Variants in TMTC1 observed in about 807,000 individuals in gnomAD.
TMTC1 encodes transmembrane O-mannosyltransferase targeting cadherins 1.
A neutral mutation model predicts 104.8 loss-of-function variants in TMTC1; 73 were observed. The ratio of observed to expected loss-of-function variants is 0.70; its 90% confidence interval spans 0.58 to 0.85. The LOEUF is 0.85. Among genes scored for constraint, TMTC1 ranks in the 40% least tolerant of loss-of-function variants. The probability of loss-of-function intolerance (pLI) is 0.00; values close to 1 mark genes in which losing one functional copy is unlikely to be tolerated. For synonymous variants in TMTC1, 434 were observed against 428.7 expected, an observed-to-expected ratio of 1.01 and a Z score of -0.15; for missense variants, 1,035 against 1,096.1, an observed-to-expected ratio of 0.94 and a Z score of 0.79.
intron 1 of TMTC1, among the ~76,000 whole-genome samples, chr12:29,773,355 G>A (rs770127450): frequency 1.1e-4 from 17 of 152,132 alleles, no homozygotes; most frequent in Non-Finnish European, 2.1e-4. Context: ...CCCACAGCCT[G>A]GAGCTTAAGA....
chr12:29,532,822 T>G lies in TMTC1; in HGVS notation c.1785+3387A>C, dbSNP rs747739694. 7.2e-5 allele frequency: 11 copies of G among 152,318 alleles called. No individual in the cohort carries two copies. In the South Asian group the frequency reaches 1.0e-3, roughly 14 times the overall value. 9.4% of individuals were successfully genotyped at this position (152,318 alleles called of 1,614,324 possible). A position where few individuals can be genotyped will look rare whatever the true frequency, so the allele number is the denominator to read the frequency against. ...TCATCTTATTTCTTTCCTAAAATAT[T>G]GCTTCTGTCTGGCTTATCCACGTCT... On this transcript the variant is annotated intron_variant, in intron 11 of 17. Transcript: ENST00000539277.
intron 11 of TMTC1, among the ~76,000 whole-genome samples, chr12:29,529,370 G>A (rs1182338802): frequency 6.6e-6 from 1 of 152,082 alleles, no homozygotes; most frequent in Non-Finnish European, 1.5e-5. Flanking sequence ...TGTTTCCAGT[G>A]CCCTGACATC....
At chr12:29,763,200 C>T (rs555305043) in intron 2 of TMTC1, among the ~76,000 whole-genome samples, 55 of 152,238 alleles carry the variant, frequency 3.6e-4, no homozygotes, top group Middle Eastern at 3.4e-3. Flanking sequence ...GCTGGATGTG[C>T]CCAGATATAA....
chr12:29,577,315 T>C (rs1237666657), intron 8 of TMTC1, among the ~76,000 whole-genome samples: 1 of 152,162 alleles, frequency 6.6e-6, no homozygotes, highest in African/African-American at 2.4e-5. Flanking sequence ...ATCTCTGAAC[T>C]GGCTTCCTTG....
At position 29,536,307 on chromosome 12, in the gene TMTC1, T is replaced by C; in HGVS notation, c.1687A>G (p.Lys563Glu). ...NLGNLLKSQE[K>E]KEEAITLLKD... The stretch of plus-strand genomic sequence containing the variant: ...AGTAAGGTGATAGCTTCTTCCTTTT[T>C]CTCCTGGGACCTATAGATAATAATG... The change falls in exon 11 of 18, where the codon AAA becomes GAA. Residue 563 changes from lysine (K) to glutamate (E), a missense_variant. By Grantham distance (56) the Lys-to-Glu change is moderately conservative (BLOSUM62 1). Transcript: ENST00000539277. The C allele has an allele frequency of 6.2e-7, 1 of 1,608,032 alleles. No individual in the cohort carries two copies. Among genetic ancestry groups the C allele is most frequent in the Non-Finnish European group, 8.5e-7 (1 of 1,176,208 alleles).
At chr12:29,776,007 A>C (rs1565829188) in intron 1 of TMTC1, among the ~76,000 whole-genome samples, 3 of 152,228 alleles carry the variant, frequency 2.0e-5, no homozygotes. Flanking sequence ...CCAGAAAAAA[A>C]TCACTGTCAT....
intron 17 of TMTC1, among the ~76,000 whole-genome samples, chr12:29,508,573 T>C (rs1419295390): frequency 6.6e-6 from 1 of 152,138 alleles, no homozygotes; most frequent in Non-Finnish European, 1.5e-5. Context: ...ATTGCCCTTT[T>C]CTTCACTAAA....
chr12:29,594,120 A>G (rs1446312061), intron 7 of TMTC1, among the ~76,000 whole-genome samples: 1 of 152,180 alleles, frequency 6.6e-6, no homozygotes, highest in Non-Finnish European at 1.5e-5. Context: ...CGTGGTCTCA[A>G]TTATTAATAA....
chr12:29,767,060 C>T (rs1943481830), intron 2 of TMTC1, among the ~76,000 whole-genome samples: 1 of 151,918 alleles, frequency 6.6e-6, no homozygotes, highest in South Asian at 2.1e-4. Flanking sequence ...AGTGATTCTC[C>T]TGCCTCAGCC....
Position 29,502,031 on chromosome 12 carries a change from C to A in TMTC1, c.*4815G>T, listed in dbSNP as rs183030087. 37 of 152,170 alleles carry A rather than the reference C, an allele frequency of 2.4e-4. No homozygotes were observed. The highest frequency in any genetic ancestry group is 8.9e-4 in the African/African-American group (37 of 41,538). 9.4% of individuals were successfully genotyped at this position (152,170 alleles called of 1,614,324 possible). On this transcript the variant is annotated 3_prime_UTR_variant, in exon 18 of 18. Transcript: ENST00000539277. The stretch of plus-strand genomic sequence containing the variant: ...AAAACGTCAAGAATAATCATAAAAT[C>A]TTATAATATTTCTCTATATTATTTT...
At chr12:29,563,302 A>C (rs1454045544) in intron 9 of TMTC1, among the ~76,000 whole-genome samples, 2 of 152,200 alleles carry the variant, frequency 1.3e-5, no homozygotes, top group African/African-American at 2.4e-5. Flanking sequence ...AGGACATTCA[A>C]AATCCTGTGT....
intron 6 of TMTC1, among the ~76,000 whole-genome samples, chr12:29,623,825 A>ATAAATTAATTAAAT (rs1555177663): frequency 2.0e-5 from 3 of 148,824 alleles, no homozygotes; most frequent in African/African-American, 7.8e-5. Context: ...AAATAAATAA[A>ATAAATTAATTAAAT]TAAATTAAAT....
chr12:29,662,458 TG>T (rs1486277527), intron 5 of TMTC1, among the ~76,000 whole-genome samples: 1 of 152,072 alleles, frequency 6.6e-6, no homozygotes, highest in Non-Finnish European at 1.5e-5. Flanking sequence ...GAGACCAGCC[TG>T]GTCAATATGG....
At chr12:29,595,703 T>A (rs1243984031) in intron 7 of TMTC1, among the ~76,000 whole-genome samples, 2 of 152,232 alleles carry the variant, frequency 1.3e-5, no homozygotes, top group African/African-American at 2.4e-5. Context: ...ACATTCAAGT[T>A]AAAATCTTTC....
rs1435759032 is a variant in TMTC1 at position 29,708,686 on chromosome 12, A to G, written c.938+42980T>C. On this transcript the variant is annotated intron_variant, in intron 5 of 17. Transcript: ENST00000539277. ...TTGGGAAAACTTGCGTTTGTTAAAT[A>G]CATTCTAAAGACAAGATATTTTCCA... 5.3e-5 allele frequency among the ~76,000 whole-genome samples: 8 copies of G among 152,198 alleles called. 1 individual carries two copies. Among genetic ancestry groups the G allele is most frequent in the Non-Finnish European group, 2.9e-5 (2 of 68,034 alleles).
At chr12:29,609,742 A>G (rs1264846521) in intron 6 of TMTC1, 1 of 152,276 alleles carries the variant, frequency 6.6e-6, no homozygotes, top group African/African-American at 2.4e-5. Context: ...AAAGTGCCTG[A>G]CTGTTTTGGG....
At chr12:29,652,112 G>A (rs913371885) in intron 5 of TMTC1, among the ~76,000 whole-genome samples, 2 of 152,152 alleles carry the variant, frequency 1.3e-5, no homozygotes, top group African/African-American at 4.8e-5. Context: ...TATGCCCTCT[G>A]GTAACTTGGT....
chr12:29,765,200 T>G (rs1454087167), intron 2 of TMTC1, among the ~76,000 whole-genome samples: 1 of 152,196 alleles, frequency 6.6e-6, no homozygotes, highest in Non-Finnish European at 1.5e-5. Flanking sequence ...CTCTCTTATT[T>G]TTTTCAATTC....
chr12:29,523,019 C>T (rs993623387), intron 11 of TMTC1, among the ~76,000 whole-genome samples: 2 of 152,088 alleles, frequency 1.3e-5, no homozygotes, highest in Non-Finnish European at 2.9e-5. Flanking sequence ...TTTCAGTGGG[C>T]CAATGGGGAA....
Sources: allele counts gnomAD v4.1 joint callset (sites outside exome capture counted in the v4.1 genomes callset), GRCh38; gene constraint gnomAD v4.1.1; transcripts MANE v1.5; gene names NCBI Gene and HGNC (gene_info 2026-07-23, HGNC 2026-07-21).